Variants in VDAC1 observed in about 807,000 individuals in gnomAD.
The protein encoded by VDAC1 is voltage dependent anion channel 1, also known as non-selective voltage-gated ion channel VDAC1.
In VDAC1, 10 loss-of-function variants were observed where a neutral mutation model predicts 34.7. The observed-to-expected ratio is 0.29, with a 90% CI of 0.18 to 0.49. The LOEUF is 0.49. Among genes scored for constraint, VDAC1 ranks in the 20% least tolerant of loss-of-function variants. VDAC1 has a pLI of 0.99. For synonymous variants in VDAC1, 130 were observed against 136.0 expected, an observed-to-expected ratio of 0.96 and a Z score of 0.30; for missense variants, 230 against 347.9, an observed-to-expected ratio of 0.66 and a Z score of 2.69.
At chr5:133,980,658 GA>G in intron 6 of VDAC1, 70 bp downstream of exon 6, 1 of 694,364 alleles carries the variant, frequency 1.4e-6, no homozygotes. Context: ...AAAAAACAGT[GA>G]AAAGCAATCC....
chr5:133,972,507 T>C lies in VDAC1; in HGVS notation c.*264A>G, dbSNP rs969592381. 11 of 456,670 alleles carry C rather than the reference T, an allele frequency of 2.4e-5. No individual in the cohort carries two copies. The highest frequency in any genetic ancestry group is 3.9e-5 in the Admixed American group (1 of 25,946). 28.3% of individuals were successfully genotyped at this position (456,670 alleles called of 1,614,324 possible). A position where few individuals can be genotyped will look rare whatever the true frequency, so the allele number is the denominator to read the frequency against. ...TATTATCCGCTTCCACTTGCAGCCA[T>C]TTCTAGATAAAAAAGAAACCTGGCA... On this transcript the variant is annotated 3_prime_UTR_variant, in exon 9 of 9. Coordinates refer to ENST00000265333, the MANE Select transcript of VDAC1 (RefSeq NM_003374.3).
the VDAC1 span, among the ~76,000 whole-genome samples, chr5:134,038,123 G>A: frequency 1.3e-5 from 2 of 152,076 alleles, no homozygotes; most frequent in Admixed American, 1.3e-4. Flanking sequence ...AATAAACAAG[G>A]AAACAAGCAC....
the VDAC1 span, among the ~76,000 whole-genome samples, chr5:134,051,092 G>GTTTC: frequency 6.6e-6 from 1 of 152,224 alleles, no homozygotes; most frequent in Non-Finnish European, 1.5e-5. Context: ...ATGCCCTCCA[G>GTTTC]CTAGAGGAGG....
chr5:133,989,902 T>C (rs1753040241), intron 5 of VDAC1, among the ~76,000 whole-genome samples: 1 of 152,238 alleles, frequency 6.6e-6, no homozygotes, highest in Admixed American at 6.5e-5. Flanking sequence ...CCTCAGGTGA[T>C]TTGCCTGCCT....
chr5:134,086,243 G>T, the VDAC1 span, among the ~76,000 whole-genome samples: 1 of 152,178 alleles, frequency 6.6e-6, no homozygotes, highest in Admixed American at 6.5e-5. Flanking sequence ...GGAGATGATA[G>T]ACATGAAACT....
At chr5:134,003,718 C>G (rs554047008) in intron 1 of VDAC1, among the ~76,000 whole-genome samples, 7 of 152,340 alleles carry the variant, frequency 4.6e-5, no homozygotes, top group African/African-American at 1.7e-4. Flanking sequence ...CGGCACTGTT[C>G]TAAAGGTTTC....
the VDAC1 span, among the ~76,000 whole-genome samples, chr5:134,065,919 G>A: frequency 3.7e-4 from 54 of 147,616 alleles, no homozygotes; most frequent in African/African-American, 1.3e-3. Flanking sequence ...TCAGCCTCCC[G>A]AGTAGCTGGG....
chr5:134,038,508 C>T, the VDAC1 span, among the ~76,000 whole-genome samples: 776 of 152,246 alleles, frequency 5.1e-3, 8 homozygotes, highest in African/African-American at 0.018. Context: ...TTCCTATCCA[C>T]GACCCCCTCC....
chr5:134,081,371 G>A, the VDAC1 span, among the ~76,000 whole-genome samples: 2 of 151,726 alleles, frequency 1.3e-5, no homozygotes, highest in African/African-American at 2.4e-5. Context: ...TAGAGACAGG[G>A]TTTCACCATG....
At chr5:134,063,977 C>T in the VDAC1 span, among the ~76,000 whole-genome samples, 3 of 149,042 alleles carry the variant, frequency 2.0e-5, no homozygotes, top group East Asian at 2.0e-4. Context: ...AGACTACAGG[C>T]GCATACCACC....
At chr5:134,060,880 C>CTTTT in the VDAC1 span, among the ~76,000 whole-genome samples, 4 of 98,672 alleles carry the variant, frequency 4.1e-5, no homozygotes, top group African/African-American at 1.3e-4. Context: ...TCTTCTTCTT[C>CTTTT]TTTTTTTTTT....
intron 7 of VDAC1, 95 bp downstream of exon 7, chr5:133,975,776 T>C (rs1752455640): frequency 6.5e-7 from 1 of 1,547,870 alleles, no homozygotes; most frequent in Admixed American, 1.9e-5. Context: ...TCACTTTGAG[T>C]AAGCTGAAGC....
At chr5:134,036,525 G>A in the VDAC1 span, among the ~76,000 whole-genome samples, 1 of 152,042 alleles carries the variant, frequency 6.6e-6, no homozygotes, top group African/African-American at 2.4e-5. Context: ...CCAGAAAAAA[G>A]GACATTAGTA....
chr5:134,107,784 A>ACT, the VDAC1 span, among the ~76,000 whole-genome samples: 1 of 152,200 alleles, frequency 6.6e-6, no homozygotes, highest in Non-Finnish European at 1.5e-5. Flanking sequence ...TGGGCTAAGT[A>ACT]CTCTACAAGC....
the VDAC1 span, among the ~76,000 whole-genome samples, chr5:134,026,985 C>G: frequency 6.6e-6 from 1 of 152,142 alleles, no homozygotes; most frequent in South Asian, 2.1e-4. Context: ...GCAACCTGGC[C>G]CTGGACTCCC....
At chr5:134,026,230 G>C in the VDAC1 span, among the ~76,000 whole-genome samples, 1 of 152,154 alleles carries the variant, frequency 6.6e-6, no homozygotes, top group African/African-American at 2.4e-5. Flanking sequence ...CTAAATGGCT[G>C]GGTGTGGTGG....
chr5:134,112,622 G>GA, the VDAC1 span, among the ~76,000 whole-genome samples: 1 of 151,736 alleles, frequency 6.6e-6, no homozygotes, highest in Non-Finnish European at 1.5e-5. Context: ...AACAGATGGG[G>GA]AAAAAAATGT....
the VDAC1 span, among the ~76,000 whole-genome samples, chr5:134,104,824 C>T: frequency 1.3e-5 from 2 of 152,212 alleles, no homozygotes; most frequent in East Asian, 1.9e-4. Flanking sequence ...GACCCCAAAG[C>T]GAGGGGATAT....
chr5:134,060,304 C>T, the VDAC1 span, among the ~76,000 whole-genome samples: 1 of 151,952 alleles, frequency 6.6e-6, no homozygotes, highest in African/African-American at 2.4e-5. Flanking sequence ...GATCGACCAC[C>T]CGTCCAATGC....
Sources: allele counts gnomAD v4.1 joint callset (sites outside exome capture counted in the v4.1 genomes callset), GRCh38; gene constraint gnomAD v4.1.1; transcripts MANE v1.5; gene names NCBI Gene and HGNC (gene_info 2026-07-23, HGNC 2026-07-21).